The following CHST11 variants were observed in gnomAD, a reference collection of about 807,000 sequenced individuals.
CHST11 encodes carbohydrate sulfotransferase 11, also known as C4S-1.
Under a neutral mutation model 30.4 loss-of-function variants are expected in CHST11, and 9 were observed. The ratio of observed to expected loss-of-function variants is 0.30; its 90% CI spans 0.18 to 0.52. CHST11 has a LOEUF of 0.52. Ranked by LOEUF, CHST11 falls within the 20% of genes least tolerant of loss-of-function variation. The pLI is 0.97. For synonymous variants in CHST11, 152 were observed against 187.8 expected, an observed-to-expected ratio of 0.81 and a Z score of 1.56; for missense variants, 348 against 460.6, an observed-to-expected ratio of 0.76 and a Z score of 2.24.
At chr12:104,663,254 G>A (rs1035148002) in intron 2 of CHST11, among the ~76,000 whole-genome samples, 4 of 152,164 alleles carry the variant, frequency 2.6e-5, no homozygotes, top group African/African-American at 7.2e-5. Context: ...CTGTGATTTC[G>A]CTAAGGTTGA....
At chr12:104,561,052 G>A (rs2038508216) in intron 1 of CHST11, among the ~76,000 whole-genome samples, 1 of 152,146 alleles carries the variant, frequency 6.6e-6, no homozygotes, top group African/African-American at 2.4e-5. Flanking sequence ...CTTCCTTATG[G>A]TACTTTTTCC....
At chr12:104,641,894 G>T (rs1281810518) in intron 2 of CHST11, among the ~76,000 whole-genome samples, 1 of 152,114 alleles carries the variant, frequency 6.6e-6, no homozygotes, top group African/African-American at 2.4e-5. Flanking sequence ...CTAAAGCCAT[G>T]GTTCTCAACC....
At chr12:104,591,872 TG>T in intron 1 of CHST11, among the ~76,000 whole-genome samples, 1 of 151,882 alleles carries the variant, frequency 6.6e-6, no homozygotes, top group East Asian at 2.0e-4. Flanking sequence ...AAATAAAACT[TG>T]TCTCGGTTTT....
At chr12:104,571,409 C>G (rs1440063223) in intron 1 of CHST11, among the ~76,000 whole-genome samples, 1 of 152,098 alleles carries the variant, frequency 6.6e-6, no homozygotes, top group African/African-American at 2.4e-5. Flanking sequence ...GTGATCCGCC[C>G]GCTTCGGCCT....
At chr12:104,512,469 C>G (rs1344523679) in intron 1 of CHST11, among the ~76,000 whole-genome samples, 1 of 152,198 alleles carries the variant, frequency 6.6e-6, no homozygotes, top group Non-Finnish European at 1.5e-5. Context: ...AGGGTGTTCT[C>G]CCTCCCAGGC....
At chr12:104,677,270 A>G (rs1398711722) in intron 2 of CHST11, among the ~76,000 whole-genome samples, 3 of 152,208 alleles carry the variant, frequency 2.0e-5, no homozygotes, top group Non-Finnish European at 4.4e-5. Context: ...AAGTCTTAGC[A>G]TGCAGGTCGA....
intron 2 of CHST11, among the ~76,000 whole-genome samples, chr12:104,626,547 T>G (rs552907321): frequency 6.8e-6 from 1 of 146,946 alleles, no homozygotes; most frequent in South Asian, 2.2e-4. Flanking sequence ...TTTTCTTAAT[T>G]GCCATTTCTG....
chr12:104,629,403 C>T, intron 2 of CHST11, among the ~76,000 whole-genome samples: 1 of 152,200 alleles, frequency 6.6e-6, no homozygotes, highest in South Asian at 2.1e-4. Flanking sequence ...TGGCTTGCTT[C>T]TTCAAGGCCA....
chr12:104,545,816 T>C (rs1006989478), intron 1 of CHST11, among the ~76,000 whole-genome samples: 4 of 129,412 alleles, frequency 3.1e-5, no homozygotes, highest in African/African-American at 1.1e-4. Context: ...GGTCTCTCTC[T>C]CTCTTGCTCT....
chr12:104,735,111 A>G (rs2040290319), intron 2 of CHST11, among the ~76,000 whole-genome samples: 2 of 152,328 alleles, frequency 1.3e-5, no homozygotes, highest in Non-Finnish European at 1.5e-5. Flanking sequence ...GTAGGGATCT[A>G]TGGGTAAACA....
At chr12:104,723,085 C>T (rs1256286704) in intron 2 of CHST11, among the ~76,000 whole-genome samples, 1 of 152,066 alleles carries the variant, frequency 6.6e-6, no homozygotes, top group African/African-American at 2.4e-5. Context: ...GACTGAGGCC[C>T]TGTGGCTCAG....
At chr12:104,645,273 T>C (rs1272860281) in intron 2 of CHST11, among the ~76,000 whole-genome samples, 1 of 152,160 alleles carries the variant, frequency 6.6e-6, no homozygotes, top group Non-Finnish European at 1.5e-5. Context: ...ATAATAATAG[T>C]TCCCATGGTT....
chr12:104,629,216 A>G (rs1269033907), intron 2 of CHST11, among the ~76,000 whole-genome samples: 1 of 152,242 alleles, frequency 6.6e-6, no homozygotes, highest in Non-Finnish European at 1.5e-5. Flanking sequence ...TTAGCAGTTT[A>G]CGACAACATA....
chr12:104,574,820 T>C (rs1320302229), intron 1 of CHST11, among the ~76,000 whole-genome samples: 19 of 148,076 alleles, frequency 1.3e-4, no homozygotes, highest in Non-Finnish European at 4.5e-5. Context: ...AACAAACCTG[T>C]ACATTGTGCA....
At chr12:104,694,350 G>A (rs1212039822) in intron 2 of CHST11, among the ~76,000 whole-genome samples, 1 of 152,206 alleles carries the variant, frequency 6.6e-6, no homozygotes, top group Non-Finnish European at 1.5e-5. Flanking sequence ...TCTCAGGGCT[G>A]CTGTTAGCTG....
At chr12:104,731,203 C>T (rs2040254459) in intron 2 of CHST11, among the ~76,000 whole-genome samples, 1 of 152,200 alleles carries the variant, frequency 6.6e-6, no homozygotes, top group Non-Finnish European at 1.5e-5. Context: ...CACGACATGG[C>T]TTAGAGGCAT....
chr12:104,695,297 G>A (rs1331115025), intron 2 of CHST11, among the ~76,000 whole-genome samples: 1 of 152,142 alleles, frequency 6.6e-6, no homozygotes, highest in African/African-American at 2.4e-5. Flanking sequence ...CCCCTCCAAG[G>A]CCTGATAGTT....
Position 104,709,528 on chromosome 12 carries a change from A to G in CHST11, c.205-47421A>G, listed in dbSNP as rs147517374. 8.5e-5 allele frequency among the ~76,000 whole-genome samples: 13 copies of G among 152,260 alleles called. No homozygotes were observed. The East Asian group carries it at 1.7e-3, about 20-fold the overall frequency. On this transcript the variant is annotated intron_variant, in intron 2 of 2. Transcript: ENST00000303694. ...GAGCTGGAGTGAGCTTGTGCAAATG[A>G]AAGAGTTGACTGGGAACATCTTATT...
chr12:104,471,275 C>T (rs2037506762), intron 1 of CHST11, among the ~76,000 whole-genome samples: 2 of 152,196 alleles, frequency 1.3e-5, no homozygotes, highest in African/African-American at 4.8e-5. Flanking sequence ...CCAATAGAGC[C>T]TGGTACATAA....
Sources: gnomAD v4.1 joint callset for allele counts (sites outside exome capture counted in the v4.1 genomes callset) on GRCh38, gnomAD v4.1.1 for gene constraint, MANE v1.5 for transcripts, NCBI Gene and HGNC (gene_info 2026-07-23, HGNC 2026-07-21) for gene names.